The following TTC34 variants were observed in gnomAD, a reference collection of about 807,000 sequenced individuals.
TTC34 encodes tetratricopeptide repeat domain 34, also known as tetratricopeptide repeat protein 34.
TTC34 carries 44 observed loss-of-function variants against 40.7 expected under a neutral mutation model. The ratio of observed to expected loss-of-function variants is 1.08; its 90% CI spans 0.85 to 1.39. TTC34 has a LOEUF of 1.39. TTC34 is among the 40% of genes most tolerant of loss of function. TTC34 has a pLI of 0.00. For synonymous variants in TTC34, 422 were observed against 398.6 expected (o/e 1.06, Z -0.70); for missense variants, 884 against 838.0 (o/e 1.05, Z -0.68).
At chr1:2,786,181 A>T (rs1643586428) in intron 4 of TTC34, among the ~76,000 whole-genome samples, 158 bp from the exon 5 acceptor site, 1 of 149,906 alleles carries the variant, frequency 6.7e-6, no homozygotes, top group African/African-American at 2.5e-5. Flanking sequence ...CCCACGGCTC[A>T]CCCAGTTCCA....
Position 2,752,003 on chromosome 1 carries a change from C to T in TTC34, c.2226+31606G>A, listed in dbSNP as rs1641336377. Among the ~76,000 whole-genome samples, 2 of 119,090 alleles carry T rather than the reference C, an allele frequency of 1.7e-5. 1 individual carries two copies. Among genetic ancestry groups the T allele is most frequent in the Admixed American group, 1.7e-4 (2 of 11,558 alleles). The allele number at this position is 119,090 out of a possible 152,430, so 78.1% of individuals were successfully genotyped here. Reference sequence around the variant, plus strand: ...GAGCATTTGACAGCCTGGAGCAGTGCCCACACACCCAGCTGAGCATCTGAC... The same window carrying T: ...GAGCATTTGACAGCCTGGAGCAGTGTCCACACACCCAGCTGAGCATCTGAC... On this transcript the variant is annotated intron_variant, in intron 6 of 8. Transcript: ENST00000401095.
At chr1:2,641,166 A>C in exon 9 of TTC34, 4 of 287,890 alleles carry the variant, frequency 1.4e-5, no homozygotes, top group Admixed American at 9.7e-5. Flanking sequence ...GAGGGTGGGA[A>C]GGGGGGCTGT....
In TTC34 at chr1:2,783,598, TG is replaced by T; in HGVS notation, c.2226+10del. ...TGCTTGCCCAGGCCCAGGTCAGGAG[TG>T]GGGCGGCACCTGCAGCTGGTCTAGG... On this transcript the variant is annotated intron_variant, in intron 6 of 8. Transcript: ENST00000401095. The T allele has an allele frequency of 7.2e-7, 1 of 1,391,966 alleles. No individual in the cohort carries two copies. The highest frequency in any genetic ancestry group is 1.7e-5 in the South Asian group (1 of 59,434). The allele number at this position is 1,391,966 out of a possible 1,614,324, so 86.2% of individuals were successfully genotyped here.
chr1:2,773,221 C>A lies in TTC34; in HGVS notation c.2226+10388G>T, dbSNP rs369906177. ...CAGCCTGGAGCAGCGCCCACACCCC[C>A]GGGCGAGCATCTGACAGCCTGGAGC... On this transcript the variant is annotated intron_variant, in intron 6 of 8. Transcript: ENST00000401095. 3.4e-3 allele frequency among the ~76,000 whole-genome samples: 444 copies of A among 129,300 alleles called. 1 individual carries two copies. Among genetic ancestry groups the A allele is most frequent in the Non-Finnish European group, 5.3e-3 (309 of 58,590 alleles). 84.8% of individuals were successfully genotyped at this position (129,300 alleles called of 152,430 possible). A position where few individuals can be genotyped will look rare whatever the true frequency, so the allele number is the denominator to read the frequency against.
At chr1:2,747,990 G>T in intron 6 of TTC34, among the ~76,000 whole-genome samples, 1 of 59,632 alleles carries the variant, frequency 1.7e-5, no homozygotes, top group Non-Finnish European at 2.7e-5. Context: ...GCCTGGAGCA[G>T]CACCCACACC....
chr1:2,800,825 C>T (rs1643764913), exon 2 of TTC34: 5 of 398,522 alleles, frequency 1.3e-5, no homozygotes, highest in Non-Finnish European at 2.2e-5. Flanking sequence ...GGGCTGACAT[C>T]ATGTCTGGGA....
chr1:2,749,556 A>T (rs1641251378), intron 6 of TTC34, among the ~76,000 whole-genome samples: 1 of 65,248 alleles, frequency 1.5e-5, no homozygotes, highest in Non-Finnish European at 2.7e-5. Flanking sequence ...AAATAGCAGC[A>T]CCCACACCCC....
Position 2,787,410 on chromosome 1 carries a change from G to T in TTC34, c.1854+71C>A. ...CTGTGGGGTCCAGCGCCAGGGCCAC[G>T]GGAGGCCTGTGCCCTCTTCCCAGCT... On this transcript the variant is annotated intron_variant, in intron 4 of 8. Coordinates refer to ENST00000401095, the Ensembl canonical transcript of TTC34. The T allele has an allele frequency of 2.2e-6, 3 of 1,364,972 alleles. No homozygotes were observed. In the South Asian group the frequency reaches 4.8e-5, roughly 22 times the overall value. The allele number at this position is 1,364,972 out of a possible 1,614,324, so 84.6% of individuals were successfully genotyped here.
intron 6 of TTC34, among the ~76,000 whole-genome samples, chr1:2,753,610 C>T (rs1328324102): frequency 5.9e-5 from 4 of 67,840 alleles, no homozygotes; most frequent in Non-Finnish European, 1.0e-4. Flanking sequence ...TGGAGCAGCA[C>T]CCCACACCCA....
chr1:2,764,530 C>T (rs1641741973), intron 6 of TTC34, among the ~76,000 whole-genome samples: 1 of 147,882 alleles, frequency 6.8e-6, no homozygotes, highest in South Asian at 2.2e-4. Context: ...CAGCCTGGAG[C>T]AGCACCCACA....
chr1:2,682,088 C>A (rs1640106504), intron 6 of TTC34, among the ~76,000 whole-genome samples: 2 of 139,450 alleles, frequency 1.4e-5, no homozygotes, highest in Non-Finnish European at 3.1e-5. Context: ...CATCTGACAG[C>A]CTGGAGCAGC....
chr1:2,787,387 G>T, intron 4 of TTC34, 94 bp downstream of exon 4: 1 of 1,188,780 alleles, frequency 8.4e-7, no homozygotes. Context: ...AGCCCAGACT[G>T]TGGGGTCCAG....
chr1:2,686,406 G>T lies in TTC34; in HGVS notation c.2227-40843C>A, dbSNP rs1309222234. On this transcript the variant is annotated intron_variant, in intron 6 of 8. Coordinates refer to ENST00000401095, the Ensembl canonical transcript of TTC34. ...GTCTGGAGCAGCACCCACACCCACAGGTGAGCATCTGACAGCCTGGAACAG... is the reference window on the plus strand; with the variant it reads ...GTCTGGAGCAGCACCCACACCCACATGTGAGCATCTGACAGCCTGGAACAG... 9.8e-3 allele frequency among the ~76,000 whole-genome samples: 1,263 copies of T among 128,558 alleles called. 4 individuals are homozygous for T. The highest frequency in any genetic ancestry group is 0.032 in the African/African-American group (991 of 30,504). The allele number at this position is 128,558 out of a possible 152,430, so 84.3% of individuals were successfully genotyped here. A position where few individuals can be genotyped will look rare whatever the true frequency, so the allele number is the denominator to read the frequency against.
At chr1:2,781,082 T>A (rs192327636) in intron 6 of TTC34, among the ~76,000 whole-genome samples, 3 of 152,328 alleles carry the variant, frequency 2.0e-5, no homozygotes, top group Non-Finnish European at 2.9e-5. Flanking sequence ...TATATGTGAA[T>A]TTTTTTCAAT....
At chr1:2,688,450 C>G (rs1381690594) in intron 6 of TTC34, among the ~76,000 whole-genome samples, 12 of 137,560 alleles carry the variant, frequency 8.7e-5, no homozygotes, top group Admixed American at 2.2e-4. Flanking sequence ...GGACCCACAC[C>G]CCTAGGTGAA....
intron 6 of TTC34, among the ~76,000 whole-genome samples, chr1:2,781,858 T>G (rs1486342671): frequency 1.3e-5 from 2 of 152,244 alleles, no homozygotes; most frequent in Non-Finnish European, 2.9e-5. Flanking sequence ...ATTCTAGCAA[T>G]AAATCTCACT....
At chr1:2,695,509 A>ACAC (rs1640821591) in intron 6 of TTC34, among the ~76,000 whole-genome samples, 1 of 7,142 alleles carries the variant, frequency 1.4e-4, no homozygotes, top group Non-Finnish European at 3.0e-4. Context: ...TGGAAGAGCA[A>ACAC]CCACACCCCC....
exon 9 of TTC34, chr1:2,640,329 A>C (rs1490604222): frequency 1.3e-5 from 2 of 152,228 alleles, no homozygotes; most frequent in Middle Eastern, 3.1e-3. Context: ...CCCCACCCAG[A>C]AGTCCCCAAG....
rs866211681 is a variant in TTC34 at position 2,800,298 on chromosome 1, C to A, written c.530G>T (p.Arg177Leu). 21 of 398,516 alleles carry A rather than the reference C, an allele frequency of 5.3e-5. No homozygotes were observed. In the East Asian group the frequency reaches 6.4e-4, roughly 12 times the overall value. 24.7% of individuals were successfully genotyped at this position (398,516 alleles called of 1,614,324 possible). ...GGGGAGGTGGGGCCGCTGGTGGGTG[C>A]GAATGAAAGCTACCGTCCGGTCGGC... Residue 177 changes from arginine to leucine, a missense_variant, in exon 2 of 9, where the codon CGC becomes CTC. By Grantham distance (102) the Arg-to-Leu change is moderately radical. Coordinates refer to ENST00000401095, the Ensembl canonical transcript of TTC34.
Sources: allele counts gnomAD v4.1 joint callset (sites outside exome capture counted in the v4.1 genomes callset), GRCh38; gene constraint gnomAD v4.1.1; transcripts MANE v1.5; gene names NCBI Gene and HGNC (gene_info 2026-07-23, HGNC 2026-07-21).